TAMM41: variants seen among roughly 807,000 people sequenced by gnomAD.
The protein encoded by TAMM41 is phosphatidate cytidylyltransferase, mitochondrial.
In TAMM41, 36 loss-of-function variants were observed where a neutral mutation model predicts 44.1. The observed-to-expected ratio is 0.82, with a 90% CI of 0.63 to 1.08. The LOEUF is 1.08. Among genes scored for constraint, TAMM41 ranks in the 50% least tolerant of loss-of-function variants. The pLI is 0.00. For synonymous variants in TAMM41, 164 were observed against 153.1 expected (o/e 1.07, Z -0.53); for missense variants, 417 against 404.3 (o/e 1.03, Z -0.27).
At chr3:11,793,778 G>T (rs1003720341) in intron 7 of TAMM41, among the ~76,000 whole-genome samples, 13 of 152,152 alleles carry the variant, frequency 8.5e-5, no homozygotes, top group African/African-American at 3.1e-4. Context: ...CCGTGGCACT[G>T]GGAGTCAGGC....
At chr3:11,751,994 A>T in the TAMM41 span, among the ~76,000 whole-genome samples, 3 of 152,178 alleles carry the variant, frequency 2.0e-5, no homozygotes, top group Admixed American at 2.0e-4. Context: ...TCCACTGTGC[A>T]GGTATTTACT....
rs767885525 is a variant in TAMM41, at chr3:11,844,049, A to G, written c.298T>C (p.Leu100=). The G allele has an allele frequency of 3.7e-6, 6 of 1,614,130 alleles. No individual in the cohort carries two copies. The South Asian group carries it at 6.6e-5, about 18-fold the overall frequency. Residue 100 remains leucine (L), a synonymous_variant, in exon 2 of 8, where the codon TTG becomes CTG. Transcript: ENST00000455809. ...NYGAGVYYNS[L]IMCNGRLIKY... is the part of the protein sequence containing the mutation. The stretch of plus-strand genomic sequence containing the variant: ...CTTACCCTACCATTACACATGATCA[A>G]TGAATTGTAGTAAACTCCAGCGCCA...
At chr3:11,806,704 A>C (rs2077919622) in intron 7 of TAMM41, among the ~76,000 whole-genome samples, 1 of 152,210 alleles carries the variant, frequency 6.6e-6, no homozygotes, top group Admixed American at 6.5e-5. Flanking sequence ...CATTTTTCTT[A>C]TATGCTTATA....
At chr3:11,745,452 TA>T in the TAMM41 span, among the ~76,000 whole-genome samples, 3 of 152,080 alleles carry the variant, frequency 2.0e-5, no homozygotes, top group African/African-American at 4.8e-5. Context: ...AATGAATGGA[TA>T]AAAAAACTGA....
chr3:11,782,882 G>A, the TAMM41 span, among the ~76,000 whole-genome samples: 3 of 152,334 alleles, frequency 2.0e-5, no homozygotes, highest in Non-Finnish European at 1.5e-5. Context: ...AGCATCTGAT[G>A]AGATTCAGTC....
chr3:11,811,087 A>G lies in TAMM41; in HGVS notation c.709-1405T>C, dbSNP rs1289795395. On this transcript the variant is annotated intron_variant, in intron 5 of 7. Coordinates refer to ENST00000455809, the MANE Select transcript of TAMM41 (RefSeq NM_001284401.2). Reference sequence around the variant, plus strand: ...AAGATGGTATCAAAAAAAACAAAAAAGTATATACCAAATACCTGAATTTTC... The same window carrying G: ...AAGATGGTATCAAAAAAAACAAAAAGGTATATACCAAATACCTGAATTTTC... The G allele has an allele frequency of 1.5e-4, 23 of 152,154 alleles. 1 individual carries two copies. Among genetic ancestry groups the G allele is most frequent in the Admixed American group, 1.5e-3 (23 of 15,266 alleles). 9.4% of individuals were successfully genotyped at this position (152,154 alleles called of 1,614,324 possible). A position where few individuals can be genotyped will look rare whatever the true frequency, so the allele number is the denominator to read the frequency against.
At chr3:11,743,720 C>T in the TAMM41 span, among the ~76,000 whole-genome samples, 74,561 of 151,750 alleles carry the variant, frequency 0.49, 18,863 homozygotes, top group Non-Finnish European at 0.56. Flanking sequence ...ACCAGCCTCC[C>T]TCTGTCGCCT....
chr3:11,846,552 C>T lies in TAMM41; in HGVS notation c.85G>A (p.Val29Ile), dbSNP rs745515424. 2 of 1,614,110 alleles carry T rather than the reference C, an allele frequency of 1.2e-6. No homozygotes were observed. Among genetic ancestry groups the T allele is most frequent in the African/African-American group, 1.3e-5 (1 of 74,952 alleles). The change falls in exon 1 of 8, where the codon GTC (valine) becomes ATC (isoleucine). Residue 29 changes from valine to isoleucine, a missense_variant. Physicochemically the swap from Val to Ile is conservative, Grantham distance 29. Coordinates refer to ENST00000455809, the MANE Select transcript of TAMM41 (RefSeq NM_001284401.2). Reference protein sequence around the residue: ...HFPEELSLAFVYGSGVYRQAG... With the variant: ...HFPEELSLAFIYGSGVYRQAG... ...TGGCGGTACACCCCGGAGCCGTAGA[C>T]GAAAGCCAGACTCAGCTCCTCGGGG...
chr3:11,738,168 CAT>C, the TAMM41 span, among the ~76,000 whole-genome samples: 1 of 152,184 alleles, frequency 6.6e-6, no homozygotes, highest in South Asian at 2.1e-4. Context: ...TTAAACATCT[CAT>C]AGAAAACCAT....
At chr3:11,772,466 G>A in the TAMM41 span, among the ~76,000 whole-genome samples, 2 of 152,000 alleles carry the variant, frequency 1.3e-5, no homozygotes, top group Non-Finnish European at 1.5e-5. Context: ...TAGCTGTTTC[G>A]GAGTTATTTC....
the TAMM41 span, among the ~76,000 whole-genome samples, chr3:11,776,660 T>C: frequency 7.2e-5 from 11 of 152,068 alleles, no homozygotes; most frequent in Admixed American, 3.3e-4. Flanking sequence ...GAGAAGAAAA[T>C]TGCCTGACAA....
the TAMM41 span, among the ~76,000 whole-genome samples, chr3:11,782,951 G>A: frequency 2.6e-5 from 4 of 152,306 alleles, no homozygotes; most frequent in South Asian, 2.1e-4. Context: ...GGTAGGACTC[G>A]GAGCTTGAAG....
chr3:11,821,742 A>G (rs1310181812), intron 4 of TAMM41, among the ~76,000 whole-genome samples: 5 of 152,196 alleles, frequency 3.3e-5, no homozygotes, highest in African/African-American at 1.2e-4. Flanking sequence ...TTCTCCCTTT[A>G]AACGAATTGC....
the TAMM41 span, among the ~76,000 whole-genome samples, chr3:11,745,157 C>G: frequency 6.6e-6 from 1 of 152,066 alleles, no homozygotes; most frequent in Non-Finnish European, 1.5e-5. Flanking sequence ...GCCACCACAC[C>G]CGGCCTACAA....
intron 1 of TAMM41, among the ~76,000 whole-genome samples, chr3:11,846,029 G>T (rs553991784): frequency 7.9e-5 from 12 of 152,192 alleles, no homozygotes; most frequent in Non-Finnish European, 1.5e-4. Context: ...CATTTATAGA[G>T]GTGACTCTCA....
At chr3:11,757,247 C>G in the TAMM41 span, among the ~76,000 whole-genome samples, 1 of 152,158 alleles carries the variant, frequency 6.6e-6, no homozygotes, top group African/African-American at 2.4e-5. Context: ...TAAGTGGAAA[C>G]ATTTTACACA....
chr3:11,727,029 A>C, the TAMM41 span, among the ~76,000 whole-genome samples: 4 of 152,126 alleles, frequency 2.6e-5, no homozygotes, highest in Non-Finnish European at 5.9e-5. Context: ...GAAATAATCT[A>C]AAATAATAAT....
chr3:11,756,201 T>C, the TAMM41 span, among the ~76,000 whole-genome samples: 2 of 152,252 alleles, frequency 1.3e-5, no homozygotes, highest in East Asian at 3.8e-4. Flanking sequence ...ACTCGATTAA[T>C]GCTTTTCAAT....
chr3:11,758,786 G>A, the TAMM41 span, among the ~76,000 whole-genome samples: 116 of 152,238 alleles, frequency 7.6e-4, no homozygotes, highest in African/African-American at 2.6e-3. Context: ...TGATTCTCCC[G>A]CCTCAGCCTC....
Sources: gnomAD v4.1 joint callset for allele counts (sites outside exome capture counted in the v4.1 genomes callset) on GRCh38, gnomAD v4.1.1 for gene constraint, MANE v1.5 for transcripts, NCBI Gene and HGNC (gene_info 2026-07-23, HGNC 2026-07-21) for gene names.